Variants in SUMF1 observed in about 807,000 individuals in gnomAD.
SUMF1 encodes formylglycine-generating enzyme.
SUMF1 carries 48 observed loss-of-function variants against 47.6 expected under a neutral mutation model. The observed-to-expected ratio is 1.01, with a 90% CI of 0.80 to 1.28. SUMF1 has a LOEUF of 1.28. Among genes scored for constraint, SUMF1 ranks in the 50% most tolerant of loss-of-function variants. The pLI, the probability that SUMF1 is intolerant of heterozygous loss-of-function variation, is 0.00. For missense variants in SUMF1, 571 were observed against 485.4 expected (o/e 1.18, Z -1.66); for synonymous variants, 230 against 192.1 (o/e 1.20, Z -1.63).
At chr3:4,276,974 A>T (rs1261162944) in intron 8 of SUMF1, among the ~76,000 whole-genome samples, 3 of 152,128 alleles carry the variant, frequency 2.0e-5, no homozygotes, top group African/African-American at 7.2e-5. Flanking sequence ...GAAGATGGGG[A>T]TGGTGGAAAG....
At chr3:4,096,954 C>T (rs993902730) in intron 8 of SUMF1, among the ~76,000 whole-genome samples, 2 of 151,892 alleles carry the variant, frequency 1.3e-5, no homozygotes, top group African/African-American at 2.4e-5. Flanking sequence ...TTCCTGGCAA[C>T]GAAATGAAAA....
chr3:4,122,740 G>A (rs540186924), intron 8 of SUMF1, among the ~76,000 whole-genome samples: 1 of 152,304 alleles, frequency 6.6e-6, no homozygotes, highest in Admixed American at 6.5e-5. Context: ...AAGTGGCTGT[G>A]ATGTGGTTAA....
At chr3:4,085,016 G>C (rs1692642226) in intron 8 of SUMF1, among the ~76,000 whole-genome samples, 1 of 152,008 alleles carries the variant, frequency 6.6e-6, no homozygotes, top group South Asian at 2.1e-4. Flanking sequence ...GGAAATAGAT[G>C]ATGTCTATCT....
At chr3:4,358,027 C>T (rs764491342), downstream of SUMF1, among the ~76,000 whole-genome samples, 1 of 152,030 alleles carries the variant, frequency 6.6e-6, no homozygotes, top group Non-Finnish European at 1.5e-5. Flanking sequence ...AAAGAAAATG[C>T]CCATATTGAC....
At chr3:4,403,442 T>A (rs899462706) in intron 7 of SUMF1, among the ~76,000 whole-genome samples, 1 of 152,146 alleles carries the variant, frequency 6.6e-6, no homozygotes, top group Non-Finnish European at 1.5e-5. Context: ...TTTCCCCCAA[T>A]TCATGTTATT....
chr3:4,132,328 A>G (rs536068311), intron 8 of SUMF1, among the ~76,000 whole-genome samples: 12 of 152,176 alleles, frequency 7.9e-5, no homozygotes, highest in African/African-American at 2.9e-4. Context: ...TGGTCCTATC[A>G]TGTTCCCCAT....
At chr3:4,231,709 G>C (rs1406537595) in intron 8 of SUMF1, among the ~76,000 whole-genome samples, 1 of 152,068 alleles carries the variant, frequency 6.6e-6, no homozygotes, top group Non-Finnish European at 1.5e-5. Flanking sequence ...CTTCATGTTG[G>C]AAAAATCACT....
intron 3 of SUMF1, among the ~76,000 whole-genome samples, chr3:4,446,653 T>A (rs1231516374): frequency 6.6e-6 from 1 of 152,192 alleles, no homozygotes; most frequent in Non-Finnish European, 1.5e-5. Flanking sequence ...GATGTCTTAC[T>A]GTAGGGTTCA....
At chr3:4,273,093 CACATATATATAT>C (rs989742650) in intron 8 of SUMF1, among the ~76,000 whole-genome samples, 10 of 148,930 alleles carry the variant, frequency 6.7e-5, no homozygotes, top group South Asian at 2.1e-4. Context: ...TATATATACA[CACATATATATAT>C]ACATATATAT....
At chr3:4,409,610 C>A (rs1203447611) in intron 7 of SUMF1, among the ~76,000 whole-genome samples, 1 of 152,188 alleles carries the variant, frequency 6.6e-6, no homozygotes, top group Admixed American at 6.5e-5. Context: ...CAGCAAATGC[C>A]AAGTCACATC....
At chr3:4,274,630 G>A (rs142591183) in intron 8 of SUMF1, among the ~76,000 whole-genome samples, 3,328 of 152,226 alleles carry the variant, frequency 0.022, 48 homozygotes, top group Middle Eastern at 0.034. Context: ...CTGCCCCTAT[G>A]AATAGGGATA....
intron 6 of SUMF1, among the ~76,000 whole-genome samples, chr3:4,416,596 G>T (rs1364107475): frequency 6.6e-6 from 1 of 152,254 alleles, no homozygotes; most frequent in Non-Finnish European, 1.5e-5. Flanking sequence ...TTCCAGCTGT[G>T]CCGCTTTCCA....
chr3:4,041,779 T>G (rs1298827629), intron 9 of SUMF1, among the ~76,000 whole-genome samples: 1 of 152,218 alleles, frequency 6.6e-6, no homozygotes, highest in Non-Finnish European at 1.5e-5. Flanking sequence ...CTGCATGAGC[T>G]ATACCTCTTT....
intron 9 of SUMF1, among the ~76,000 whole-genome samples, chr3:4,048,244 C>T (rs317574): frequency 0.99 from 150,183 of 152,240 alleles, 74,113 homozygotes; most frequent in Middle Eastern, 1. Context: ...CCATCAGCAT[C>T]CTCTGCATTG....
intron 9 of SUMF1, among the ~76,000 whole-genome samples, chr3:4,063,748 C>T (rs1297330099): frequency 6.6e-6 from 1 of 152,132 alleles, no homozygotes; most frequent in Non-Finnish European, 1.5e-5. Flanking sequence ...GATATTTTTA[C>T]ATGTATTATA....
intron 8 of SUMF1, among the ~76,000 whole-genome samples, chr3:4,077,916 G>A (rs1363833681): frequency 1.3e-5 from 2 of 151,984 alleles, no homozygotes; most frequent in Admixed American, 6.5e-5. Context: ...AAAAGACCAT[G>A]CTAAGTCAAG....
chr3:4,039,557 A>AT (rs966333750), intron 9 of SUMF1, among the ~76,000 whole-genome samples: 1 of 145,206 alleles, frequency 6.9e-6, no homozygotes, highest in Non-Finnish European at 1.5e-5. Context: ...TGAACTCATC[A>AT]TTTTTTATGG....
At chr3:4,397,991 T>A (rs1432365475) in intron 7 of SUMF1, among the ~76,000 whole-genome samples, 1 of 152,122 alleles carries the variant, frequency 6.6e-6, no homozygotes, top group African/African-American at 2.4e-5. Context: ...ATAAAGGGTA[T>A]TACTATTTCC....
chr3:4,338,197 T>C (rs1699194264), intron 8 of SUMF1, among the ~76,000 whole-genome samples: 1 of 151,996 alleles, frequency 6.6e-6, no homozygotes, highest in Non-Finnish European at 1.5e-5. Context: ...GAGCCCAGTC[T>C]CTGGGAGCTA....
Sources: allele counts gnomAD v4.1 joint callset (sites outside exome capture counted in the v4.1 genomes callset), GRCh38; gene constraint gnomAD v4.1.1; transcripts MANE v1.5; gene names NCBI Gene and HGNC (gene_info 2026-07-23, HGNC 2026-07-21).